Variants in ITPRID2 observed in about 807,000 individuals in gnomAD.
The protein encoded by ITPRID2 is protein ITPRID2.
Under a neutral mutation model 124.3 loss-of-function variants are expected in ITPRID2, and 60 were observed. The observed-to-expected ratio is 0.48, with a 90% CI of 0.39 to 0.60. The LOEUF (loss-of-function observed/expected upper bound fraction) is 0.60, where lower values mean the gene tolerates loss of function less well. ITPRID2 is among the 20% of genes least tolerant of loss of function. The pLI is 0.00. For missense variants in ITPRID2, 1,553 were observed against 1,512.2 expected, an observed-to-expected ratio of 1.03 and a Z score of -0.45; for synonymous variants, 521 against 542.9, an observed-to-expected ratio of 0.96 and a Z score of 0.56.
Position 181,892,464 on chromosome 2 carries a change from T to A in ITPRID2, c.212-151T>A, listed in dbSNP as rs1315157415. ...CCCAGCGTCAACACAGACAACTGGG[T>A]GCCATCCGATTTCCCTGCCAAGGGA... On this transcript the variant is annotated intron_variant, in intron 1 of 17. Coordinates refer to ENST00000431877, the MANE Select transcript of ITPRID2 (RefSeq NM_001130445.3). The surrounding 1 kb of genome is among the most constrained non-coding windows in gnomAD (Gnocchi z 5.2). The A allele has an allele frequency of 2.6e-6, 3 of 1,168,214 alleles. No individual in the cohort carries two copies. Among genetic ancestry groups the A allele is most frequent in the Non-Finnish European group, 3.7e-6 (3 of 810,472 alleles). 72.4% of individuals were successfully genotyped at this position (1,168,214 alleles called of 1,614,324 possible).
chr2:181,901,452 A>C (rs562479486), intron 7 of ITPRID2, among the ~76,000 whole-genome samples: 6 of 152,318 alleles, frequency 3.9e-5, no homozygotes, highest in Admixed American at 3.3e-4. Flanking sequence ...AATGGAGTTC[A>C]AGACTTCAGA....
rs773637517 is a variant in ITPRID2 at position 181,929,606 on chromosome 2, A to T, written c.*59A>T. 3.7e-6 allele frequency: 6 copies of T among 1,613,194 alleles called. No homozygotes were observed. In the African/African-American group the frequency reaches 5.3e-5, roughly 14 times the overall value. ...CTGTGTAATACTGGAATTATCAATG[A>T]TATGCACTGGTGGAGGTGTTATTTG... On this transcript the variant is annotated 3_prime_UTR_variant, in exon 18 of 18. Coordinates refer to ENST00000431877, the MANE Select transcript of ITPRID2 (RefSeq NM_001130445.3).
chr2:181,910,964 A>T lies in ITPRID2; in HGVS notation c.1486+993A>T, dbSNP rs1042036592. Among the ~76,000 whole-genome samples, 9 of 152,184 alleles carry T rather than the reference A, an allele frequency of 5.9e-5. No individual in the cohort carries two copies. Among genetic ancestry groups the T allele is most frequent in the Non-Finnish European group, 1.2e-4 (8 of 68,012 alleles). On this transcript the variant is annotated intron_variant, in intron 9 of 17. Coordinates refer to ENST00000431877, the MANE Select transcript of ITPRID2 (RefSeq NM_001130445.3). The surrounding 1 kb of genome is among the most constrained non-coding windows in gnomAD (Gnocchi z 4.1). ...GGTCATCAAGAAGTGTTTGCTTTAG[A>T]TAGGTAGACAGGGGATACATTGGAA...
In ITPRID2 at chr2:181,905,556, A is replaced by G. The variant is rs1430007331; in HGVS notation, c.1413+3090A>G. ...AAGCAGATGTTCATCTTTTAGATGT[A>G]AAGGAAAAACTTAAGAAGGAGAACT... On this transcript the variant is annotated intron_variant, in intron 8 of 17. Transcript: ENST00000431877. This position sits in a 1 kb window ranked among gnomAD's most constrained non-coding sequence, Gnocchi z 4.1. Among the ~76,000 whole-genome samples, 1 of 152,186 alleles carries G rather than the reference A, an allele frequency of 6.6e-6. No individual in the cohort carries two copies. The highest frequency in any genetic ancestry group is 1.5e-5 in the Non-Finnish European group (1 of 68,016).
chr2:181,926,939 A>T (rs1425369646), intron 16 of ITPRID2, among the ~76,000 whole-genome samples: 1 of 152,212 alleles, frequency 6.6e-6, no homozygotes, highest in Non-Finnish European at 1.5e-5. Flanking sequence ...TATCCAACAC[A>T]TACTTGTTTG....
chr2:181,922,403 C>A lies in ITPRID2; in HGVS notation c.3666C>A (p.Val1222=). Residue 1222 remains valine, a synonymous_variant, in exon 16 of 18, where the codon GTC becomes GTA. Coordinates refer to ENST00000431877, the MANE Select transcript of ITPRID2 (RefSeq NM_001130445.3). ...KNVEQDELQQ[V]IREIKESIVG... is the part of the protein sequence containing the mutation. ...TGGAGCAAGATGAGTTGCAGCAAGT[C>A]ATACGGGAGGTGGGTAAAATCTGTG... 1 of 1,608,688 alleles carries A rather than the reference C, an allele frequency of 6.2e-7. No individual in the cohort carries two copies. Among genetic ancestry groups the A allele is most frequent in the South Asian group, 1.1e-5 (1 of 90,442 alleles).
chr2:181,891,807 C>T lies in ITPRID2; in HGVS notation c.-260C>T, dbSNP rs932403155. On this transcript the variant is annotated 5_prime_UTR_variant, in exon 1 of 18. Transcript: ENST00000431877. ...AGGGGCCGGGCGGGCGCTCGGCTCC[C>T]AGCCGCGCTCCCTCGGGCCACTAGC... is the stretch of plus-strand genomic sequence containing the variant. 8.2e-5 allele frequency: 26 copies of T among 318,528 alleles called. No homozygotes were observed. Among genetic ancestry groups the T allele is most frequent in the Non-Finnish European group, 1.1e-5 (2 of 176,044 alleles). The allele number at this position is 318,528 out of a possible 1,614,324, so 19.7% of individuals were successfully genotyped here.
chr2:181,928,899 T>C (rs1695070315), intron 17 of ITPRID2, among the ~76,000 whole-genome samples: 2 of 152,214 alleles, frequency 1.3e-5, no homozygotes, highest in South Asian at 4.1e-4. Flanking sequence ...GTGCTGGGAT[T>C]ACAGGCGTGA....
At position 181,918,901 on chromosome 2, in the gene ITPRID2, T is replaced by A. The variant is rs1044684909; in HGVS notation, c.2993+19T>A. The A allele has an allele frequency of 6.2e-7, 1 of 1,603,116 alleles. No homozygotes were observed. Among genetic ancestry groups the A allele is most frequent in the Non-Finnish European group, 8.5e-7 (1 of 1,177,254 alleles). ...AGGAGAGGTAAAAGTTCATTTTGTC[T>A]TAGCACACCTCAAAAAGCTTTTCAT... On this transcript the variant is annotated intron_variant, in intron 13 of 17. Coordinates refer to ENST00000431877, the MANE Select transcript of ITPRID2 (RefSeq NM_001130445.3).
At chr2:181,898,419 T>C (rs979056395) in intron 4 of ITPRID2, among the ~76,000 whole-genome samples, 2 of 151,934 alleles carry the variant, frequency 1.3e-5, no homozygotes, top group African/African-American at 4.8e-5. Context: ...GTGTGAAAAA[T>C]CAGTTATAAC....
chr2:181,915,374 A>T lies in ITPRID2; in HGVS notation c.1734A>T (p.Gly578=), dbSNP rs751761193. 1.9e-6 allele frequency: 3 copies of T among 1,614,126 alleles called. No individual in the cohort carries two copies. In the Admixed American group the frequency reaches 5.0e-5, roughly 27 times the overall value. The change falls in exon 11 of 18, where the codon GGA becomes GGT. Residue 578 remains glycine, a synonymous_variant. Transcript: ENST00000431877. ...AGTCTCTTGTCCCTCTTCAGAAGGG[A>T]CTAGAGAAGGCAGCAGCAGTTGCAG... is the stretch of plus-strand genomic sequence containing the variant. The part of the protein sequence containing the change: ...EEESLVPLQK[G]LEKAAAVADK...
chr2:181,909,041 T>G (rs561550778), intron 8 of ITPRID2, among the ~76,000 whole-genome samples: 2 of 152,172 alleles, frequency 1.3e-5, no homozygotes, highest in Non-Finnish European at 2.9e-5. Flanking sequence ...ACAGAGTGTT[T>G]GTGGGGTGGA....
chr2:181,892,610 C>A lies in ITPRID2; in HGVS notation c.212-5C>A, dbSNP rs371987340. 359 of 1,614,028 alleles carry A rather than the reference C, an allele frequency of 2.2e-4. No individual in the cohort carries two copies. Among genetic ancestry groups the A allele is most frequent in the Non-Finnish European group, 2.8e-4 (334 of 1,180,012 alleles). On this transcript the variant is annotated splice_polypyrimidine_tract_variant and splice_region_variant and intron_variant, in intron 1 of 17. Transcript: ENST00000431877. The surrounding 1 kb of genome is among the most constrained non-coding windows in gnomAD (Gnocchi z 5.2). ...TAACGTGCTGTCCCCTCTCTCTACC[C>A]CCAGGAAACGTGCCCAACGAGAAGA...
intron 11 of ITPRID2, 60 bp from the exon 12 acceptor site, chr2:181,918,538 A>G: frequency 1.9e-6 from 3 of 1,602,320 alleles, no homozygotes; most frequent in Non-Finnish European, 2.5e-6. Flanking sequence ...TTAACCCCTT[A>G]AGTGATTTGG....
In ITPRID2 at chr2:181,915,366, C is replaced by T; in HGVS notation, c.1726C>T (p.Gln576Ter). The T allele has an allele frequency of 6.2e-7, 1 of 1,614,134 alleles. No individual in the cohort carries two copies. Among genetic ancestry groups the T allele is most frequent in the Non-Finnish European group, 8.5e-7 (1 of 1,180,028 alleles). ...AGAGGAGGAGTCTCTTGTCCCTCTT[C>T]AGAAGGGACTAGAGAAGGCAGCAGC... ...ESEEESLVPL[Q>*]KGLEKAAAVA... is the part of the protein sequence containing the mutation. The change falls in exon 11 of 18, where the codon CAG becomes TAG. Residue 576 changes from glutamine (Q) to a stop codon, truncating the protein, a stop_gained. Transcript: ENST00000431877. LOFTEE classifies it high-confidence loss of function.
intron 2 of ITPRID2, chr2:181,893,961 A>G (rs1425781674): frequency 6.6e-6 from 1 of 152,186 alleles, no homozygotes. Context: ...CCACTTAGAA[A>G]TGTGTTTGAG....
Position 181,915,235 on chromosome 2 carries a change from C to G in ITPRID2, c.1595C>G (p.Ala532Gly). ...NHLQVQESLQ[A>G]MGSSADSCDS... ...TCACAGGTTCAGGAGTCCTTGCAGGCTATGGGGAGTAGTGCTGATAGTTGT... is the reference window on the plus strand; with the variant it reads ...TCACAGGTTCAGGAGTCCTTGCAGGGTATGGGGAGTAGTGCTGATAGTTGT... Residue 532 changes from alanine to glycine, a missense_variant, in exon 11 of 18, where the codon GCT becomes GGT. Coordinates refer to ENST00000431877, the MANE Select transcript of ITPRID2 (RefSeq NM_001130445.3). The G allele has an allele frequency of 6.2e-7, 1 of 1,613,928 alleles. No individual in the cohort carries two copies. Among genetic ancestry groups the G allele is most frequent in the Non-Finnish European group, 8.5e-7 (1 of 1,179,920 alleles).
At position 181,919,459 on chromosome 2, in the gene ITPRID2, G is replaced by A. The variant is rs1694326756; in HGVS notation, c.3144+13G>A. On this transcript the variant is annotated intron_variant, in intron 14 of 17. Transcript: ENST00000431877. This position sits in a 1 kb window ranked among gnomAD's most constrained non-coding sequence, Gnocchi z 4.2. ...CTCCGCACTCATGGTACGCTACCTG[G>A]AGGGTGGTCGGAGTTTTCACCAAAG... The A allele has an allele frequency of 2.6e-6, 4 of 1,537,876 alleles. No homozygotes were observed. The highest frequency in any genetic ancestry group is 2.4e-5 in the South Asian group (2 of 81,934).
chr2:181,918,417 C>G, intron 11 of ITPRID2, 181 bp from the exon 12 acceptor site: 2 of 1,381,558 alleles, frequency 1.4e-6, no homozygotes, highest in Non-Finnish European at 1.9e-6. Context: ...GAACAGCTAG[C>G]AGTACTAGGT....
Sources: gnomAD v4.1 joint callset for allele counts (sites outside exome capture counted in the v4.1 genomes callset) on GRCh38, gnomAD v4.1.1 for gene constraint, Gnocchi (gnomAD v3.1) non-coding constraint, MANE v1.5 for transcripts, NCBI Gene and HGNC (gene_info 2026-07-23, HGNC 2026-07-21) for gene names.